Variants in TMEM106B observed in about 807,000 individuals in gnomAD.
TMEM106B encodes the protein transmembrane protein 106B.
Under a neutral mutation model 31.1 loss-of-function variants are expected in TMEM106B, and 15 were observed. The observed-to-expected ratio is 0.48, with a 90% CI of 0.32 to 0.74. The LOEUF (loss-of-function observed/expected upper bound fraction) is 0.74, where lower values mean the gene tolerates loss of function less well. Among genes scored for constraint, TMEM106B ranks in the 30% least tolerant of loss-of-function variants. The probability of loss-of-function intolerance (pLI) is 0.03; values close to 1 mark genes in which losing one functional copy is unlikely to be tolerated. For missense variants in TMEM106B, 283 were observed against 327.3 expected, an observed-to-expected ratio of 0.86 and a Z score of 1.04; for synonymous variants, 126 against 112.5, an observed-to-expected ratio of 1.12 and a Z score of -0.76.
chr7:12,230,258 C>G, intron 5 of TMEM106B, 131 bp from the exon 6 acceptor site: 1 of 744,846 alleles, frequency 1.3e-6, no homozygotes, highest in Non-Finnish European at 2.4e-6. Context: ...TATACACATA[C>G]AAGATGAAAT....
chr7:12,216,065 T>A (rs997017521), intron 2 of TMEM106B, among the ~76,000 whole-genome samples: 1 of 152,214 alleles, frequency 6.6e-6, no homozygotes, highest in African/African-American at 2.4e-5. Context: ...TTAAAATGTA[T>A]CTTAAAATGC....
At chr7:12,225,330 C>T (rs554860921) in intron 4 of TMEM106B, among the ~76,000 whole-genome samples, 1 of 152,170 alleles carries the variant, frequency 6.6e-6, no homozygotes, top group Admixed American at 6.5e-5. Flanking sequence ...ATAAACATAA[C>T]GTGTTAATGT....
In TMEM106B at chr7:12,232,754, A is replaced by G. The variant is rs954478242; in HGVS notation, c.*779A>G. ...TACAGCTTTAGTAAATGTCAAATAA[A>G]GTGGTACAGACTCATTACAACAAGT... On this transcript the variant is annotated 3_prime_UTR_variant, in exon 8 of 8. Coordinates refer to ENST00000396668, the MANE Select transcript of TMEM106B (RefSeq NM_001134232.2). 1 of 152,376 alleles carries G rather than the reference A, an allele frequency of 6.6e-6. No individual in the cohort carries two copies. 9.4% of individuals were successfully genotyped at this position (152,376 alleles called of 1,614,324 possible).
chr7:12,229,664 G>C lies in TMEM106B; in HGVS notation c.442-15G>C. ...TTTAGCTAACTTGTAAATTTTCTGT[G>C]TCCTTTTTTTGTAGAACACACTAAA... On this transcript the variant is annotated splice_polypyrimidine_tract_variant and intron_variant, in intron 4 of 7. Coordinates refer to ENST00000396668, the MANE Select transcript of TMEM106B (RefSeq NM_001134232.2). 1 of 1,521,830 alleles carries C rather than the reference G, an allele frequency of 6.6e-7. No individual in the cohort carries two copies. The highest frequency in any genetic ancestry group is 1.3e-5 in the South Asian group (1 of 76,848). 94.3% of individuals were successfully genotyped at this position (1,521,830 alleles called of 1,614,324 possible).
In TMEM106B at chr7:12,240,347, T is replaced by A. The variant is rs1291571887; in HGVS notation, c.*8372T>A. 1 of 152,178 alleles carries A rather than the reference T, an allele frequency of 6.6e-6. No homozygotes were observed. The highest frequency in any genetic ancestry group is 1.5e-5 in the Non-Finnish European group (1 of 68,018). The allele number at this position is 152,178 out of a possible 1,614,324, so 9.4% of individuals were successfully genotyped here. A position where few individuals can be genotyped will look rare whatever the true frequency, so the allele number is the denominator to read the frequency against. On this transcript the variant is annotated 3_prime_UTR_variant, in exon 8 of 8. Transcript: ENST00000396668. ...TTACTCAAACACTTGGTGAACTTTT[T>A]CTGAATGTTTTTTCTGAATGTTTAC...
intron 4 of TMEM106B, among the ~76,000 whole-genome samples, chr7:12,227,158 A>G (rs1781917696): frequency 6.6e-6 from 1 of 152,074 alleles, no homozygotes; most frequent in Non-Finnish European, 1.5e-5. Flanking sequence ...GAAAAATAAG[A>G]TTATTTGGAT....
At chr7:12,229,222 T>A (rs559601329) in intron 4 of TMEM106B, among the ~76,000 whole-genome samples, 1 of 152,172 alleles carries the variant, frequency 6.6e-6, no homozygotes, top group Admixed American at 6.5e-5. Context: ...AGTTGTTACT[T>A]AAGCATGTGA....
intron 4 of TMEM106B, among the ~76,000 whole-genome samples, chr7:12,227,882 A>C (rs569243932): frequency 3.3e-5 from 5 of 151,854 alleles, no homozygotes; most frequent in Middle Eastern, 3.4e-3. Context: ...TTGTATTCTC[A>C]ACCTGTATTA....
At chr7:12,219,248 T>C (rs567569545) in intron 3 of TMEM106B, among the ~76,000 whole-genome samples, 5 of 152,122 alleles carry the variant, frequency 3.3e-5, no homozygotes, top group African/African-American at 4.8e-5. Context: ...AGAGAACAGA[T>C]TGACATATTA....
chr7:12,222,131 A>AG (rs1456368115), intron 3 of TMEM106B, among the ~76,000 whole-genome samples: 1 of 152,198 alleles, frequency 6.6e-6, no homozygotes, highest in African/African-American at 2.4e-5. Flanking sequence ...GAGGAAGAAA[A>AG]GTAAATTGCA....
chr7:12,214,952 T>C lies in TMEM106B; in HGVS notation c.142T>C (p.Phe48Leu). ...EDGRNGDVSQ[F>L]PYVEFTGRDS... The stretch of plus-strand genomic sequence containing the variant: ...TGGAAGAAATGGAGATGTCTCTCAG[T>C]TTCCATATGTGGAATTTACAGGAAG... Residue 48 changes from phenylalanine (F) to leucine (L), a missense_variant, in exon 2 of 8, where the codon TTT (phenylalanine) becomes CTT (leucine). Physicochemically the swap from Phe to Leu is conservative, Grantham distance 22. Coordinates refer to ENST00000396668, the MANE Select transcript of TMEM106B (RefSeq NM_001134232.2). 1.2e-6 allele frequency: 2 copies of C among 1,614,090 alleles called. No individual in the cohort carries two copies. The highest frequency in any genetic ancestry group is 1.7e-6 in the Non-Finnish European group (2 of 1,179,954).
In TMEM106B at chr7:12,241,223, T is replaced by C. The variant is rs1337646053; in HGVS notation, c.*9248T>C. 1 of 152,178 alleles carries C rather than the reference T, an allele frequency of 6.6e-6. No homozygotes were observed. The highest frequency in any genetic ancestry group is 1.5e-5 in the Non-Finnish European group (1 of 68,030). The allele number at this position is 152,178 out of a possible 1,614,324, so 9.4% of individuals were successfully genotyped here. On this transcript the variant is annotated 3_prime_UTR_variant, in exon 8 of 8. Coordinates refer to ENST00000396668, the MANE Select transcript of TMEM106B (RefSeq NM_001134232.2). ...CAAAAAGATGAAATACAAATAATTT[T>C]AATCCCAAATCTATTTCAGACACCT...
At chr7:12,228,242 C>CT (rs201723928) in intron 4 of TMEM106B, among the ~76,000 whole-genome samples, 1 of 151,522 alleles carries the variant, frequency 6.6e-6, no homozygotes, top group African/African-American at 2.4e-5. Context: ...TTCTTTCATC[C>CT]TTTTTTTTAC....
rs150973174 is a variant in TMEM106B, at chr7:12,231,538, G to A, written c.687-299G>A. ...ACATTTGATTAACCTTTTTTTCTAT[G>A]ATAAGAGAACCATGGTCACTTTTAA... On this transcript the variant is annotated intron_variant, in intron 7 of 7. Coordinates refer to ENST00000396668, the MANE Select transcript of TMEM106B (RefSeq NM_001134232.2). The A allele has an allele frequency of 4.8e-4, 130 of 269,280 alleles. 1 individual carries two copies. The highest frequency in any genetic ancestry group is 2.4e-3 in the African/African-American group (111 of 45,466). The allele number at this position is 269,280 out of a possible 1,614,324, so 16.7% of individuals were successfully genotyped here.
At chr7:12,228,617 C>T (rs13230513) in intron 4 of TMEM106B, among the ~76,000 whole-genome samples, 1 of 151,534 alleles carries the variant, frequency 6.6e-6, no homozygotes, top group Non-Finnish European at 1.5e-5. Flanking sequence ...TCTGTGGAAT[C>T]GGTGCTCAGA....
Position 12,242,736 on chromosome 7 carries a change from C to G in TMEM106B, c.*10761C>G, listed in dbSNP as rs1329351523. 1 of 152,078 alleles carries G rather than the reference C, an allele frequency of 6.6e-6. No individual in the cohort carries two copies. Among genetic ancestry groups the G allele is most frequent in the African/African-American group, 2.4e-5 (1 of 41,420 alleles). The allele number at this position is 152,078 out of a possible 1,614,324, so 9.4% of individuals were successfully genotyped here. ...CATAACCTTCTTCAACGAGTATCTT[C>G]TTTTCCTTCCTAAAATACTGTTAAT... On this transcript the variant is annotated 3_prime_UTR_variant, in exon 8 of 8. Coordinates refer to ENST00000396668, the MANE Select transcript of TMEM106B (RefSeq NM_001134232.2).
Position 12,230,424 on chromosome 7 carries a change from A to G in TMEM106B, c.618A>G (p.Glu206=). 6.3e-7 allele frequency: 1 copy of G among 1,597,634 alleles called. No individual in the cohort carries two copies. Among genetic ancestry groups the G allele is most frequent in the Non-Finnish European group, 8.6e-7 (1 of 1,168,444 alleles). Residue 206 remains glutamate, a synonymous_variant, in exon 6 of 8, where the codon GAA becomes GAG. Coordinates refer to ENST00000396668, the MANE Select transcript of TMEM106B (RefSeq NM_001134232.2). The stretch of plus-strand genomic sequence containing the variant: ...CAGTACCTACCGTTATAGCAGAGGA[A>G]ATGAGTTATATGTAGTAAGTTCTGA... ...DYTVPTVIAE[E]MSYMYDFCTL...
intron 4 of TMEM106B, among the ~76,000 whole-genome samples, chr7:12,228,361 C>T (rs1346431877): frequency 1.3e-5 from 2 of 151,838 alleles, no homozygotes; most frequent in East Asian, 3.9e-4. Flanking sequence ...TTATAAAAAT[C>T]AGTATTTTTA....
chr7:12,213,887 A>G (rs1019201813), intron 1 of TMEM106B, among the ~76,000 whole-genome samples: 5 of 152,180 alleles, frequency 3.3e-5, no homozygotes, highest in African/African-American at 1.2e-4. Context: ...AAACCTAAAA[A>G]GGTAGTTCAG....
Sources: gnomAD v4.1 joint callset for allele counts (sites outside exome capture counted in the v4.1 genomes callset) on GRCh38, gnomAD v4.1.1 for gene constraint, MANE v1.5 for transcripts, NCBI Gene and HGNC (gene_info 2026-07-23, HGNC 2026-07-21) for gene names.